The following ATXN7 variants were observed in gnomAD, a reference collection of about 807,000 sequenced individuals.
ATXN7 encodes ataxin 7, also known as ataxin-7.
A neutral mutation model predicts 70.5 loss-of-function variants in ATXN7; 12 were observed. The ratio of observed to expected loss-of-function variants is 0.17; its 90% CI spans 0.11 to 0.28. The LOEUF (loss-of-function observed/expected upper bound fraction) is 0.28. ATXN7 is among the 10% of genes least tolerant of loss of function. The pLI, the probability that ATXN7 is intolerant of heterozygous loss-of-function variation, is 1.00. For missense variants in ATXN7, 1,256 were observed against 1,131.7 expected (o/e 1.11, Z -1.58); for synonymous variants, 498 against 448.7 (o/e 1.11, Z -1.39).
At chr3:63,895,107 C>G (rs755962677) in intron 1 of ATXN7, among the ~76,000 whole-genome samples, 1 of 152,134 alleles carries the variant, frequency 6.6e-6, no homozygotes, top group Non-Finnish European at 1.5e-5. Context: ...TAAAGCTTGG[C>G]GATTTTGCCT....
At position 63,995,599 on chromosome 3, in the gene ATXN7, T is replaced by C. The variant is rs2075744488; in HGVS notation, c.1777T>C (p.Tyr593His). The C allele has an allele frequency of 1.2e-6, 2 of 1,614,176 alleles. No homozygotes were observed. Among genetic ancestry groups the C allele is most frequent in the Non-Finnish European group, 1.7e-6 (2 of 1,180,036 alleles). ...GCCGACATCACAATGTGGAGTCAGC[T>C]ATCTGGCAGCAGCCACCGTCTCTAC... Reference protein sequence around the residue: ...SVPTSQCGVSYLAAATVSTSP... With the variant: ...SVPTSQCGVSHLAAATVSTSP... Residue 593 changes from tyrosine (Y) to histidine (H), a missense_variant, in exon 12 of 13, where the codon TAT becomes CAT. Transcript: ENST00000674280.
At chr3:63,956,038 C>G (rs2075034112) in intron 5 of ATXN7, among the ~76,000 whole-genome samples, 1 of 152,188 alleles carries the variant, frequency 6.6e-6, no homozygotes, top group Non-Finnish European at 1.5e-5. Context: ...TAACAATTAA[C>G]CAGGATTTCC....
intron 4 of ATXN7, among the ~76,000 whole-genome samples, chr3:63,924,937 A>G (rs73117045): frequency 0.094 from 14,303 of 152,284 alleles, 833 homozygotes; most frequent in Middle Eastern, 0.16. Context: ...GCCACTGGGA[A>G]TGATCCAAGA....
chr3:63,908,781 A>G (rs1187716474), intron 2 of ATXN7, among the ~76,000 whole-genome samples: 1 of 152,220 alleles, frequency 6.6e-6, no homozygotes, highest in African/African-American at 2.4e-5. Flanking sequence ...GGAACAAAAC[A>G]TTTTATGAGT....
chr3:63,902,846 A>T (rs1416511038), intron 2 of ATXN7, among the ~76,000 whole-genome samples: 1 of 152,026 alleles, frequency 6.6e-6, no homozygotes, highest in Non-Finnish European at 1.5e-5. Context: ...TTCTTCTTCA[A>T]AAAAAAATCT....
intron 4 of ATXN7, among the ~76,000 whole-genome samples, chr3:63,922,457 AC>A (rs1704549063): frequency 1.3e-5 from 2 of 152,126 alleles, no homozygotes; most frequent in South Asian, 4.1e-4. Flanking sequence ...GTGGGTATTT[AC>A]TTTTTCCTGC....
intron 4 of ATXN7, among the ~76,000 whole-genome samples, chr3:63,944,371 T>G (rs1410568230): frequency 1.3e-5 from 2 of 152,168 alleles, no homozygotes; most frequent in African/African-American, 4.8e-5. Context: ...TTCTTGTGCT[T>G]TGGGGCCATT....
chr3:63,936,209 A>G (rs1257123998), intron 4 of ATXN7, among the ~76,000 whole-genome samples: 5 of 152,176 alleles, frequency 3.3e-5, no homozygotes, highest in Non-Finnish European at 7.3e-5. Flanking sequence ...CTCTCAAACT[A>G]TAAGCATCAC....
chr3:63,981,613 A>T (rs368527988), intron 6 of ATXN7, among the ~76,000 whole-genome samples: 5 of 152,218 alleles, frequency 3.3e-5, no homozygotes, highest in African/African-American at 1.2e-4. Flanking sequence ...AGGACTGGAG[A>T]ATTACCACTT....
chr3:63,915,361 C>G (rs534084323), intron 4 of ATXN7, among the ~76,000 whole-genome samples: 97 of 152,312 alleles, frequency 6.4e-4, no homozygotes, highest in Non-Finnish European at 1.3e-3. Flanking sequence ...GTTTTAAATT[C>G]AGTCAGTTCT....
chr3:63,868,049 A>T (rs1281879976), intron 1 of ATXN7, among the ~76,000 whole-genome samples: 1 of 152,208 alleles, frequency 6.6e-6, no homozygotes, highest in Non-Finnish European at 1.5e-5. Flanking sequence ...TTTTTAAAAA[A>T]TTATATCTAA....
At chr3:63,990,480 G>C in intron 10 of ATXN7, 106 bp downstream of exon 10, 2 of 1,400,964 alleles carry the variant, frequency 1.4e-6, no homozygotes, top group African/African-American at 1.4e-5. Context: ...TGTGGGACGC[G>C]GTCAAGGTGT....
At chr3:63,889,989 A>G (rs927990337) in intron 1 of ATXN7, among the ~76,000 whole-genome samples, 1 of 152,198 alleles carries the variant, frequency 6.6e-6, no homozygotes, top group Non-Finnish European at 1.5e-5. Context: ...GATTGTACTT[A>G]AAGTAGCTAT....
At chr3:63,894,854 A>G (rs962380854) in intron 1 of ATXN7, among the ~76,000 whole-genome samples, 10 of 152,192 alleles carry the variant, frequency 6.6e-5, no homozygotes, top group African/African-American at 1.7e-4. Context: ...TAAATAAACC[A>G]GCTGAGATAA....
Position 63,992,750 on chromosome 3 carries a change from C to A in ATXN7, c.1682+1891C>A, listed in dbSNP as rs78483083. On this transcript the variant is annotated intron_variant, in intron 11 of 12. Transcript: ENST00000674280. ...AAACCAACCCTTTCCATTAGCATGACCATTGGTTTTTAAAAAGTCTACAGC... is the reference window on the plus strand; with the variant it reads ...AAACCAACCCTTTCCATTAGCATGAACATTGGTTTTTAAAAAGTCTACAGC... 8.8e-3 allele frequency among the ~76,000 whole-genome samples: 1,345 copies of A among 152,232 alleles called. 14 individuals carry two copies. Among genetic ancestry groups the A allele is most frequent in the African/African-American group, 0.031 (1,295 of 41,532 alleles).
intron 4 of ATXN7, among the ~76,000 whole-genome samples, chr3:63,916,800 T>G (rs150242474): frequency 6.6e-6 from 1 of 152,382 alleles, no homozygotes; most frequent in East Asian, 1.9e-4. Flanking sequence ...TAGTTTTGTT[T>G]GCATTCTTGT....
chr3:63,969,596 G>A (rs560409919), intron 5 of ATXN7, among the ~76,000 whole-genome samples: 1 of 152,084 alleles, frequency 6.6e-6, no homozygotes, highest in East Asian at 1.9e-4. Flanking sequence ...AGTGGTTAAC[G>A]GCATAGTTTT....
upstream of ATXN7, chr3:63,863,732 G>C: frequency 8.0e-7 from 1 of 1,249,362 alleles, no homozygotes; most frequent in Non-Finnish European, 1.0e-6. Context: ...GGCCCAGCGG[G>C]CCGTGCAGCG....
chr3:63,968,027 T>C, intron 5 of ATXN7: 1 of 1,403,728 alleles, frequency 7.1e-7, no homozygotes, highest in Non-Finnish European at 9.7e-7. Flanking sequence ...AGGGCCCAGC[T>C]CTGGATGAGC....
Sources: gnomAD v4.1 joint callset for allele counts (sites outside exome capture counted in the v4.1 genomes callset) on GRCh38, gnomAD v4.1.1 for gene constraint, MANE v1.5 for transcripts, NCBI Gene and HGNC (gene_info 2026-07-23, HGNC 2026-07-21) for gene names.